ROS1: variants seen among roughly 807,000 people sequenced by gnomAD.
ROS1 encodes ROS proto-oncogene 1, receptor tyrosine kinase.
In ROS1, 263 loss-of-function variants were observed where a neutral mutation model predicts 273.5. The observed-to-expected ratio is 0.96, with a 90% CI of 0.87 to 1.06. The LOEUF is 1.06. Among genes scored for constraint, ROS1 ranks in the 50% least tolerant of loss-of-function variants. The pLI, the probability that ROS1 is intolerant of heterozygous loss-of-function variation, is 0.00. For synonymous variants in ROS1, 1,008 were observed against 954.1 expected (o/e 1.06, Z -1.04); for missense variants, 2,833 against 2,751.1 (o/e 1.03, Z -0.67).
chr6:117,346,372 T>C (rs1778376190), intron 27 of ROS1, among the ~76,000 whole-genome samples: 1 of 152,034 alleles, frequency 6.6e-6, no homozygotes, highest in Non-Finnish European at 1.5e-5. Flanking sequence ...TTCTTAATAA[T>C]GTACCTAGAA....
At chr6:117,412,134 G>GGA (rs1465819492) in intron 4 of ROS1, among the ~76,000 whole-genome samples, 1 of 152,096 alleles carries the variant, frequency 6.6e-6, no homozygotes, top group Admixed American at 6.6e-5. Flanking sequence ...GAGACCAAGG[G>GGA]GAGAGTATGA....
chr6:117,394,771 G>C (rs1773361593), intron 9 of ROS1, 33 bp from the exon 10 acceptor site: 1 of 1,574,850 alleles, frequency 6.3e-7, no homozygotes, highest in African/African-American at 1.4e-5. Context: ...CAGACAGGTA[G>C]ACCAACCACA....
At position 117,365,635 on chromosome 6, in the gene ROS1, A is replaced by C; in HGVS notation, c.2904T>G (p.Pro968=). 6.2e-7 allele frequency: 1 copy of C among 1,612,466 alleles called. No homozygotes were observed. The highest frequency in any genetic ancestry group is 1.1e-5 in the South Asian group (1 of 91,018). ...AGAAAACTACACCCCAGTCTACCGC[A>C]GGGGGACCATTCCACAGGATTTGAA... ...SSFQILWNGP[P]AVDWGVVFYS... Residue 968 remains proline, a synonymous_variant, in exon 20 of 44, where the codon CCT becomes CCG. Transcript: ENST00000368507.
intron 42 of ROS1, among the ~76,000 whole-genome samples, chr6:117,306,183 T>G (rs933670099): frequency 7.9e-5 from 12 of 152,168 alleles, no homozygotes; most frequent in African/African-American, 2.9e-4. Context: ...GGGAAAAGTT[T>G]CTACAGGTAT....
At chr6:117,361,564 A>G (rs897125933) in intron 22 of ROS1, among the ~76,000 whole-genome samples, 4 of 148,336 alleles carry the variant, frequency 2.7e-5, no homozygotes, top group Non-Finnish European at 6.0e-5. Flanking sequence ...TATATTATAT[A>G]TTCTATATAA....
intron 39 of ROS1, 57 bp downstream of exon 39, chr6:117,317,086 A>G: frequency 3.2e-6 from 5 of 1,540,704 alleles, no homozygotes; most frequent in Non-Finnish European, 3.5e-6. Flanking sequence ...GAAAATTAAT[A>G]GGGAATTATA....
In ROS1 at chr6:117,326,424, A is replaced by C; in HGVS notation, c.5349-10T>G. The C allele has an allele frequency of 6.8e-7, 1 of 1,471,036 alleles. No individual in the cohort carries two copies. Among genetic ancestry groups the C allele is most frequent in the Non-Finnish European group, 9.2e-7 (1 of 1,092,826 alleles). 91.1% of individuals were successfully genotyped at this position (1,471,036 alleles called of 1,614,324 possible). On this transcript the variant is annotated splice_polypyrimidine_tract_variant and intron_variant, in intron 33 of 43. Coordinates refer to ENST00000368507, the MANE Select transcript of ROS1 (RefSeq NM_001378902.1). ...ATTTGAAGTGCTCTTTCTGCAAAAA[A>C]TAATAAATACAGAAAATATACATGA...
chr6:117,365,825 A>AT, intron 19 of ROS1, 84 bp from the exon 20 acceptor site: 3 of 1,083,808 alleles, frequency 2.8e-6, no homozygotes, highest in Non-Finnish European at 3.9e-6. Flanking sequence ...ATCAATAGCA[A>AT]TTACTAATAA....
chr6:117,325,573 C>T (rs867532345), intron 34 of ROS1, among the ~76,000 whole-genome samples: 27 of 152,256 alleles, frequency 1.8e-4, no homozygotes, highest in African/African-American at 6.5e-4. Flanking sequence ...CCAGCCTGTG[C>T]TTCAACTAAA....
intron 17 of ROS1, among the ~76,000 whole-genome samples, chr6:117,381,495 G>A (rs921829703): frequency 1.3e-5 from 2 of 151,902 alleles, no homozygotes; most frequent in African/African-American, 2.4e-5. Context: ...ATAGTATTTG[G>A]TTTGCCATTC....
At chr6:117,289,885 T>C (rs1304222734) in intron 43 of ROS1, among the ~76,000 whole-genome samples, 3 of 152,178 alleles carry the variant, frequency 2.0e-5, no homozygotes, top group African/African-American at 7.2e-5. Context: ...GCACTAATAG[T>C]CATTAAGATG....
chr6:117,396,953 A>G lies in ROS1; in HGVS notation c.768T>C (p.Ser256=). The G allele has an allele frequency of 6.2e-7, 1 of 1,614,058 alleles. No individual in the cohort carries two copies. Among genetic ancestry groups the G allele is most frequent in the Non-Finnish European group, 8.5e-7 (1 of 1,179,956 alleles). Residue 256 remains serine, a synonymous_variant, in exon 8 of 44, where the codon AGT becomes AGC. Transcript: ENST00000368507. ...TTGGTAAAGTGGAGTAAAACTGGAA[A>G]CTGGTTCTCTGTGTCCCTGCATCTA... The part of the protein sequence containing the change: ...QKLDAGTQRT[S]FQFYSTLPNT...
Position 117,310,153 on chromosome 6 carries a change from C to T in ROS1, c.6344G>A (p.Gly2115Asp), listed in dbSNP as rs749246490. 1 of 1,611,694 alleles carries T rather than the reference C, an allele frequency of 6.2e-7. No individual in the cohort carries two copies. Among genetic ancestry groups the T allele is most frequent in the Non-Finnish European group, 8.5e-7 (1 of 1,178,032 alleles). Residue 2115 changes from glycine to aspartate, a missense_variant, in exon 41 of 44, where the codon GGC becomes GAC. By Grantham distance (94) the Gly-to-Asp change is moderately conservative. Coordinates refer to ENST00000368507, the MANE Select transcript of ROS1 (RefSeq NM_001378902.1). ...AGCCATCCACCGAACTGGGAGCAGGCCTTCCCCTCTCTTTCTATAGTAATC... is the reference window on the plus strand; with the variant it reads ...AGCCATCCACCGAACTGGGAGCAGGTCTTCCCCTCTCTTTCTATAGTAATC... ...KNDYYRKRGE[G>D]LLPVRWMAPE...
intron 34 of ROS1, among the ~76,000 whole-genome samples, chr6:117,325,691 T>C (rs930203823): frequency 3.3e-5 from 5 of 151,658 alleles, no homozygotes; most frequent in Admixed American, 1.3e-4. Context: ...CAGAGAAAAA[T>C]CAAGATGGTA....
chr6:117,305,182 G>A (rs1423846564), intron 42 of ROS1, among the ~76,000 whole-genome samples: 2 of 152,050 alleles, frequency 1.3e-5, no homozygotes, highest in Admixed American at 6.6e-5. Flanking sequence ...CATCCACTGG[G>A]GGCCTTGGAA....
chr6:117,373,297 C>G (rs1780989922), intron 18 of ROS1, among the ~76,000 whole-genome samples: 1 of 152,274 alleles, frequency 6.6e-6, no homozygotes, highest in Non-Finnish European at 1.5e-5. Context: ...CTGCACTCCT[C>G]AGCCCTTGGG....
At chr6:117,320,850 TG>T (rs1776242135) in intron 36 of ROS1, among the ~76,000 whole-genome samples, 1 of 152,170 alleles carries the variant, frequency 6.6e-6, no homozygotes, top group African/African-American at 2.4e-5. Context: ...GAAGGTTTTG[TG>T]GGCAATCATC....
intron 7 of ROS1, among the ~76,000 whole-genome samples, chr6:117,399,711 C>G (rs1773794323): frequency 6.6e-6 from 1 of 152,194 alleles, no homozygotes; most frequent in Non-Finnish European, 1.5e-5. Flanking sequence ...GGCTTCTAGG[C>G]TTGAATGCTT....
At chr6:117,406,877 C>CA (rs1774448595) in intron 5 of ROS1, among the ~76,000 whole-genome samples, 4 of 152,252 alleles carry the variant, frequency 2.6e-5, no homozygotes, top group Admixed American at 2.0e-4. Flanking sequence ...GGGCACTGCA[C>CA]AACTCCTCCA....
Sources: gnomAD v4.1 joint callset for allele counts (sites outside exome capture counted in the v4.1 genomes callset) on GRCh38, gnomAD v4.1.1 for gene constraint, MANE v1.5 for transcripts, NCBI Gene and HGNC (gene_info 2026-07-23, HGNC 2026-07-21) for gene names.